Variants in KCNJ6 observed in about 807,000 individuals in gnomAD.
KCNJ6 encodes G protein-activated inward rectifier potassium channel 2.
A neutral mutation model predicts 34.2 loss-of-function variants in KCNJ6; 9 were observed. The ratio of observed to expected loss-of-function variants is 0.26; its 90% CI spans 0.16 to 0.46. KCNJ6 has a LOEUF of 0.46. KCNJ6 is among the 20% of genes least tolerant of loss of function. The pLI is 1.00. For missense variants in KCNJ6, 236 were observed against 531.3 expected, an observed-to-expected ratio of 0.44 and a Z score of 5.46; for synonymous variants, 196 against 207.1, an observed-to-expected ratio of 0.95 and a Z score of 0.46.
intron 3 of KCNJ6, among the ~76,000 whole-genome samples, chr21:37,659,171 C>T (rs2054477181): frequency 6.6e-6 from 1 of 152,330 alleles, no homozygotes; most frequent in South Asian, 2.1e-4. Context: ...TCCACGCAGT[C>T]CCTGTTTTTC....
chr21:37,770,456 T>A (rs2055112737), intron 2 of KCNJ6, among the ~76,000 whole-genome samples: 1 of 152,126 alleles, frequency 6.6e-6, no homozygotes, highest in Non-Finnish European at 1.5e-5. Context: ...AGGTGATTGA[T>A]CCTTATCAAC....
chr21:37,644,562 C>T (rs2054395079), intron 3 of KCNJ6, among the ~76,000 whole-genome samples: 1 of 152,156 alleles, frequency 6.6e-6, no homozygotes. Flanking sequence ...GTGTAAACCT[C>T]TCCCCCCGAC....
rs542984792 is a variant in KCNJ6 at position 37,837,449 on chromosome 21, C to T, written c.25+3209G>A. On this transcript the variant is annotated intron_variant, in intron 2 of 3. Coordinates refer to ENST00000609713, the MANE Select transcript of KCNJ6 (RefSeq NM_002240.5). ...GAGGTGGTTGATGAATGGCACGTAG[C>T]GGAAAGAAATGCACCTCTTCCCTGC... 1.4e-4 allele frequency among the ~76,000 whole-genome samples: 22 copies of T among 152,244 alleles called. No individual in the cohort carries two copies. In the East Asian group the frequency reaches 3.7e-3, roughly 25 times the overall value.
intron 3 of KCNJ6, among the ~76,000 whole-genome samples, chr21:37,701,687 C>T (rs944611084): frequency 2.6e-5 from 4 of 152,090 alleles, no homozygotes; most frequent in African/African-American, 4.8e-5. Context: ...CATTGTATGA[C>T]GCACAGTGGT....
intron 2 of KCNJ6, among the ~76,000 whole-genome samples, chr21:37,716,546 C>T (rs1188649428): frequency 6.6e-6 from 1 of 151,806 alleles, no homozygotes; most frequent in Non-Finnish European, 1.5e-5. Flanking sequence ...CTATGCCTGG[C>T]CAATTATTTT....
chr21:37,815,844 C>T (rs1470363648), intron 2 of KCNJ6, among the ~76,000 whole-genome samples: 5 of 152,186 alleles, frequency 3.3e-5, no homozygotes, highest in Non-Finnish European at 7.3e-5. Context: ...CATGAGTGTA[C>T]CCAGGACATT....
At chr21:37,753,681 T>C (rs2055008629) in intron 2 of KCNJ6, among the ~76,000 whole-genome samples, 1 of 152,196 alleles carries the variant, frequency 6.6e-6, no homozygotes, top group African/African-American at 2.4e-5. Flanking sequence ...TGTTCTCTTT[T>C]TCTTTTCATA....
rs1412624414 is a variant in KCNJ6, at chr21:37,691,699, T to C, written c.946+22512A>G. ...CAAATCCAAAATCTGATTTTGGATA[T>C]GACAGTGGGATATAGTGAGACATGG... is the stretch of plus-strand genomic sequence containing the variant. On this transcript the variant is annotated intron_variant, in intron 3 of 3. Coordinates refer to ENST00000609713, the MANE Select transcript of KCNJ6 (RefSeq NM_002240.5). 3.9e-5 allele frequency among the ~76,000 whole-genome samples: 6 copies of C among 152,280 alleles called. No homozygotes were observed. The East Asian group carries it at 1.2e-3, about 29-fold the overall frequency.
rs2054293184 is a variant in KCNJ6 at position 37,622,546 on chromosome 21, C to G, written c.*2613G>C. On this transcript the variant is annotated 3_prime_UTR_variant, in exon 4 of 4. Transcript: ENST00000609713. ...AGTAAAAGGTTCTTCAGGAGCATCC[C>G]CATGTAAAGATTCAGAGGCTCACAT... 6.6e-6 allele frequency: 1 copy of G among 152,164 alleles called. No homozygotes were observed. The highest frequency in any genetic ancestry group is 1.5e-5 in the Non-Finnish European group (1 of 68,048). 9.4% of individuals were successfully genotyped at this position (152,164 alleles called of 1,614,324 possible).
intron 2 of KCNJ6, among the ~76,000 whole-genome samples, chr21:37,816,672 C>T (rs1244276857): frequency 1.3e-5 from 2 of 152,120 alleles, no homozygotes; most frequent in African/African-American, 4.8e-5. Context: ...AACCTGCTTA[C>T]GGTGGATTTC....
chr21:37,667,153 C>CAAAAAAAAAA (rs1432029251), intron 3 of KCNJ6, among the ~76,000 whole-genome samples: 1 of 2,930 alleles, frequency 3.4e-4, no homozygotes. Flanking sequence ...GCAATAAATA[C>CAAAAAAAAAA]TAAAAAAAAA....
Position 37,709,518 on chromosome 21 carries a change from A to AAAAAAAGAAAAG in KCNJ6, c.946+4692_946+4693insCTTTTCTTTTTT, listed in dbSNP as rs112508967. On this transcript the variant is annotated intron_variant, in intron 3 of 3. Coordinates refer to ENST00000609713, the MANE Select transcript of KCNJ6 (RefSeq NM_002240.5). ...AACGAGAGCAAAACCCTGTCTCAAA[A>AAAAAAAGAAAAG]AAAAGAAAAGAAAAGAAAAGAAATA... Among the ~76,000 whole-genome samples, 512 of 145,780 alleles carry AAAAAAAGAAAAG rather than the reference A, an allele frequency of 3.5e-3. 3 individuals carry two copies. The highest frequency in any genetic ancestry group is 5.3e-3 in the Non-Finnish European group (349 of 65,792).
intron 3 of KCNJ6, among the ~76,000 whole-genome samples, chr21:37,673,094 TGAGA>T (rs1308493108): frequency 6.6e-6 from 1 of 152,010 alleles, no homozygotes; most frequent in Non-Finnish European, 1.5e-5. Flanking sequence ...GAATGCAAAA[TGAGA>T]GAGAGAAAAC....
At chr21:37,776,683 T>A (rs2055144219) in intron 2 of KCNJ6, among the ~76,000 whole-genome samples, 1 of 152,232 alleles carries the variant, frequency 6.6e-6, no homozygotes, top group African/African-American at 2.4e-5. Context: ...CAGCCTAGCA[T>A]CCCAGGGATG....
chr21:37,721,992 A>G (rs2054829036), intron 2 of KCNJ6, among the ~76,000 whole-genome samples: 1 of 152,246 alleles, frequency 6.6e-6, no homozygotes. Context: ...AAATAGGAAG[A>G]GAAGAAGTAA....
rs939187132 is a variant in KCNJ6 at position 37,914,053 on chromosome 21, G to C, written c.-28+1831C>G. On this transcript the variant is annotated intron_variant, in intron 1 of 3. Coordinates refer to ENST00000609713, the MANE Select transcript of KCNJ6 (RefSeq NM_002240.5). ...TGTGTGTGTGTGTGTGTGTGTGTCT[G>C]TGCGCGCGCGCGTCCTTTTTCTCCC... 6.0e-5 allele frequency among the ~76,000 whole-genome samples: 9 copies of C among 150,680 alleles called. No individual in the cohort carries two copies. The East Asian group carries it at 1.2e-3, about 20-fold the overall frequency.
At chr21:37,750,039 T>A (rs1038607810) in intron 2 of KCNJ6, among the ~76,000 whole-genome samples, 2 of 151,394 alleles carry the variant, frequency 1.3e-5, no homozygotes, top group Non-Finnish European at 1.5e-5. Context: ...TAAAGGCATT[T>A]AAAAAAAAAT....
In KCNJ6 at chr21:37,614,742, GTC is replaced by G. The variant is rs1163652185; in HGVS notation, c.*10415_*10416del. The G allele has an allele frequency of 4.3e-5, 6 of 139,712 alleles. No homozygotes were observed. Among genetic ancestry groups the G allele is most frequent in the Admixed American group, 3.5e-4 (5 of 14,346 alleles). 8.7% of individuals were successfully genotyped at this position (139,712 alleles called of 1,614,324 possible). ...TGTATGCGTGTGTGTGTATGCGCAT[GTC>G]TCTGTATGTGTGTGTATGCATGTGT... On this transcript the variant is annotated 3_prime_UTR_variant, in exon 4 of 4. Transcript: ENST00000609713.
At chr21:37,682,985 T>C (rs1783049) in intron 3 of KCNJ6, among the ~76,000 whole-genome samples, 148,855 of 152,298 alleles carry the variant, frequency 0.98, 72,783 homozygotes, top group East Asian at 1. Context: ...GAACCGCGCT[T>C]CGGCCAAATC....
Sources: gnomAD v4.1 joint callset for allele counts (sites outside exome capture counted in the v4.1 genomes callset) on GRCh38, gnomAD v4.1.1 for gene constraint, MANE v1.5 for transcripts, NCBI Gene and HGNC (gene_info 2026-07-23, HGNC 2026-07-21) for gene names.